Variants in TXNDC16 observed in about 807,000 individuals in gnomAD.
The protein encoded by TXNDC16 is thioredoxin domain-containing protein 16.
A neutral mutation model predicts 85.6 loss-of-function variants in TXNDC16; 74 were observed. The observed-to-expected ratio is 0.86, with a 90% CI of 0.72 to 1.05. The LOEUF is 1.05. TXNDC16 is among the 50% of genes least tolerant of loss of function. The pLI is 0.00. For synonymous variants in TXNDC16, 335 were observed against 326.5 expected, an observed-to-expected ratio of 1.03 and a Z score of -0.28; for missense variants, 959 against 947.0, an observed-to-expected ratio of 1.01 and a Z score of -0.17.
rs576569017 is a variant in TXNDC16 at position 52,506,635 on chromosome 14, C to A, written c.756+4605G>T. Among the ~76,000 whole-genome samples the A allele has an allele frequency of 1.8e-3, 244 of 137,692 alleles. 15 individuals carry two copies. Among genetic ancestry groups the A allele is most frequent in the African/African-American group, 6.3e-3 (228 of 35,920 alleles). 90.3% of individuals were successfully genotyped at this position (137,692 alleles called of 152,430 possible). A position where few individuals can be genotyped will look rare whatever the true frequency, so the allele number is the denominator to read the frequency against. The stretch of plus-strand genomic sequence containing the variant: ...GCAGTGGCGCAATCTCGGCTCACTG[C>A]AAGCTCCGCTTCCCGGGTTCACGCC... On this transcript the variant is annotated intron_variant, in intron 9 of 20. Coordinates refer to ENST00000281741, the MANE Select transcript of TXNDC16 (RefSeq NM_020784.3).
At chr14:52,532,319 T>C (rs964874913) in intron 6 of TXNDC16, among the ~76,000 whole-genome samples, 1 of 152,042 alleles carries the variant, frequency 6.6e-6, no homozygotes, top group South Asian at 2.1e-4. Flanking sequence ...TGTGATATAA[T>C]TGCACCTGTG....
intron 16 of TXNDC16, among the ~76,000 whole-genome samples, chr14:52,458,525 C>A (rs766974699): frequency 2.0e-5 from 3 of 151,836 alleles, no homozygotes; most frequent in African/African-American, 7.2e-5. Context: ...CCAGCCTGGG[C>A]CACAGAGCGA....
At chr14:52,455,586 T>C in intron 17 of TXNDC16, 124 bp from the exon 18 acceptor site, 3 of 1,065,984 alleles carry the variant, frequency 2.8e-6, no homozygotes, top group Non-Finnish European at 4.0e-6. Flanking sequence ...AGGAAAAAAA[T>C]GAACTCCATT....
chr14:52,516,400 T>C (rs1027896423), intron 7 of TXNDC16, among the ~76,000 whole-genome samples: 17 of 152,194 alleles, frequency 1.1e-4, no homozygotes, highest in Non-Finnish European at 1.6e-4. Flanking sequence ...CCCTGAGAAT[T>C]CCGAAAACAC....
intron 16 of TXNDC16, among the ~76,000 whole-genome samples, chr14:52,466,792 G>A (rs978367358): frequency 1.3e-5 from 2 of 151,858 alleles, no homozygotes; most frequent in Admixed American, 6.6e-5. Context: ...GCGTGAACCC[G>A]GGAGGCGGAG....
At chr14:52,463,756 C>T (rs1169089359) in intron 16 of TXNDC16, among the ~76,000 whole-genome samples, 1 of 152,128 alleles carries the variant, frequency 6.6e-6, no homozygotes, top group Non-Finnish European at 1.5e-5. Flanking sequence ...TATACGGAGG[C>T]AGCTTTAGGC....
chr14:52,546,311 T>G lies in TXNDC16; in HGVS notation c.-181-1940A>C, dbSNP rs78623533. On this transcript the variant is annotated intron_variant, in intron 1 of 20. Transcript: ENST00000281741. ...AACAAACAAACGAACAAACAAAAAC[T>G]TAATACTACAAAAATCTAGATATCA... Among the ~76,000 whole-genome samples the G allele has an allele frequency of 4.7e-3, 717 of 152,100 alleles. 6 individuals are homozygous for G. The highest frequency in any genetic ancestry group is 0.016 in the African/African-American group (685 of 41,516).
intron 16 of TXNDC16, among the ~76,000 whole-genome samples, chr14:52,467,264 G>T (rs893797842): frequency 3.9e-5 from 6 of 151,966 alleles, no homozygotes; most frequent in Admixed American, 6.6e-5. Flanking sequence ...TATCTAAAGG[G>T]TTAAAAACTT....
intron 3 of TXNDC16, 148 bp downstream of exon 3, chr14:52,543,250 G>A (rs557784827): frequency 1.7e-5 from 14 of 827,554 alleles, no homozygotes; most frequent in South Asian, 6.0e-5. Flanking sequence ...CAAGCGGCAC[G>A]GGCCGGATTC....
intron 6 of TXNDC16, among the ~76,000 whole-genome samples, chr14:52,526,199 G>T (rs963602305): frequency 6.6e-6 from 1 of 151,966 alleles, no homozygotes; most frequent in Non-Finnish European, 1.5e-5. Context: ...TATTTAGAAG[G>T]CAGAGTTAAG....
intron 20 of TXNDC16, among the ~76,000 whole-genome samples, chr14:52,434,092 G>A (rs903307940): frequency 6.6e-6 from 1 of 152,192 alleles, no homozygotes; most frequent in Non-Finnish European, 1.5e-5. Context: ...GGGAGGTTGA[G>A]GCGGAAGGTA....
chr14:52,446,703 A>G (rs1273575239), intron 18 of TXNDC16, among the ~76,000 whole-genome samples: 1 of 152,142 alleles, frequency 6.6e-6, no homozygotes, highest in Non-Finnish European at 1.5e-5. Context: ...AAGACTGGGA[A>G]AGACTTTGTC....
intron 14 of TXNDC16, among the ~76,000 whole-genome samples, chr14:52,479,520 C>T (rs981097174): frequency 5.9e-5 from 9 of 151,602 alleles, no homozygotes; most frequent in African/African-American, 2.2e-4. Context: ...ACACCAACAG[C>T]GACCAAGCTG....
chr14:52,434,184 G>A (rs2034972814), intron 20 of TXNDC16, among the ~76,000 whole-genome samples: 1 of 152,132 alleles, frequency 6.6e-6, no homozygotes, highest in African/African-American at 2.4e-5. Context: ...GTGTGACACT[G>A]TCTCAACAAC....
rs75385711 is a variant in TXNDC16, at chr14:52,452,331, C to G, written c.1842+2993G>C. Among the ~76,000 whole-genome samples the G allele has an allele frequency of 4.9e-3, 744 of 152,176 alleles. 13 individuals are homozygous for G. Among genetic ancestry groups the G allele is most frequent in the Admixed American group, 0.039 (601 of 15,272 alleles). On this transcript the variant is annotated intron_variant, in intron 18 of 20. Coordinates refer to ENST00000281741, the MANE Select transcript of TXNDC16 (RefSeq NM_020784.3). ...CTTCACAGAAATAGAAAAAATAATT[C>G]TAACATTTATATGGATTCACAAAAG...
In TXNDC16 at chr14:52,455,420, G is replaced by T. The variant is rs1415236299; in HGVS notation, c.1746C>A (p.Ala582=). Residue 582 remains alanine, a synonymous_variant, in exon 18 of 21, where the codon GCC becomes GCA. Coordinates refer to ENST00000281741, the MANE Select transcript of TXNDC16 (RefSeq NM_020784.3). ...YAASLPALLL[A]RHTEGKIESI... The stretch of plus-strand genomic sequence containing the variant: ...TCTCTATTTTGCCTTCTGTGTGTCT[G>T]GCAAGCAGCAGGGCTGGAAGACTTG... 4 of 1,613,994 alleles carry T rather than the reference G, an allele frequency of 2.5e-6. No homozygotes were observed. The South Asian group carries it at 4.4e-5, about 18-fold the overall frequency.
At chr14:52,494,041 A>C (rs963024568) in intron 9 of TXNDC16, among the ~76,000 whole-genome samples, 4 of 152,034 alleles carry the variant, frequency 2.6e-5, no homozygotes, top group African/African-American at 9.7e-5. Context: ...TTGGCCTCCC[A>C]AAGTGATTCC....
rs1271346630 is a variant in TXNDC16 at position 52,491,365 on chromosome 14, TTTTTA to T, written c.757-365_757-361del. On this transcript the variant is annotated intron_variant, in intron 9 of 20. Transcript: ENST00000281741. ...CCTAGCTTTTTTTTTTTTTTTTTTT[TTTTTA>T]AATTTTTTGTAGAGACGAGGTCTCC... Among the ~76,000 whole-genome samples, 7 of 124,876 alleles carry T rather than the reference TTTTTA, an allele frequency of 5.6e-5. No individual in the cohort carries two copies. The Admixed American group carries it at 5.9e-4, about 10-fold the overall frequency. 81.9% of individuals were successfully genotyped at this position (124,876 alleles called of 152,430 possible).
At chr14:52,508,859 A>T (rs1308521086) in intron 9 of TXNDC16, among the ~76,000 whole-genome samples, 2 of 151,990 alleles carry the variant, frequency 1.3e-5, no homozygotes, top group East Asian at 3.9e-4. Context: ...TTGACAAAAG[A>T]ACACATTGAC....
Sources: gnomAD v4.1 joint callset for allele counts (sites outside exome capture counted in the v4.1 genomes callset) on GRCh38, gnomAD v4.1.1 for gene constraint, MANE v1.5 for transcripts, NCBI Gene and HGNC (gene_info 2026-07-23, HGNC 2026-07-21) for gene names.